KDM2B: variants seen among roughly 807,000 people sequenced by gnomAD.
KDM2B encodes lysine demethylase 2B.
A neutral mutation model predicts 150.0 loss-of-function variants in KDM2B; 26 were observed. The ratio of observed to expected loss-of-function variants is 0.17; its 90% CI spans 0.13 to 0.24. KDM2B has a LOEUF of 0.24. Among genes scored for constraint, KDM2B ranks in the 10% least tolerant of loss-of-function variants. The pLI, the probability that KDM2B is intolerant of heterozygous loss-of-function variation, is 1.00. For synonymous variants in KDM2B, 734 were observed against 729.5 expected (o/e 1.01, Z -0.10); for missense variants, 1,265 against 1,816.9 (o/e 0.70, Z 5.52).
At chr12:121,422,074 T>G in the KDM2B span, among the ~76,000 whole-genome samples, 1 of 152,234 alleles carries the variant, frequency 6.6e-6, no homozygotes, top group Non-Finnish European at 1.5e-5. Flanking sequence ...GAGAAGTCAG[T>G]TGACTTCATA....
intron 6 of KDM2B, among the ~76,000 whole-genome samples, chr12:121,547,382 A>C (rs1045450307): frequency 8.5e-5 from 13 of 152,312 alleles, no homozygotes; most frequent in East Asian, 5.8e-4. Context: ...AGAGAGAGAG[A>C]GAGCTTGAAA....
intron 12 of KDM2B, among the ~76,000 whole-genome samples, chr12:121,493,143 G>A (rs1555300246): frequency 7.2e-6 from 1 of 139,010 alleles, no homozygotes; most frequent in Non-Finnish European, 1.5e-5. Flanking sequence ...CCTGGGCTCA[G>A]GTGATCCTCC....
chr12:121,494,798 CCA>C, intron 11 of KDM2B, 133 bp from the exon 12 acceptor site: 1 of 606,262 alleles, frequency 1.6e-6, no homozygotes, highest in Non-Finnish European at 2.8e-6. Context: ...CCACCACCAC[CCA>C]CACATTCAAT....
intron 12 of KDM2B, among the ~76,000 whole-genome samples, chr12:121,464,556 A>C (rs1351010620): frequency 6.6e-6 from 1 of 152,204 alleles, no homozygotes; most frequent in African/African-American, 2.4e-5. Context: ...TGGGGATGAG[A>C]AGTACACAGG....
At chr12:121,427,046 G>A (rs1167349334), downstream of KDM2B, among the ~76,000 whole-genome samples, 4 of 152,166 alleles carry the variant, frequency 2.6e-5, no homozygotes, top group African/African-American at 9.7e-5. Context: ...GAGGTGCCAT[G>A]GTGTCTTCCT....
At chr12:121,550,085 G>A (rs573181311) in intron 4 of KDM2B, among the ~76,000 whole-genome samples, 24 of 152,206 alleles carry the variant, frequency 1.6e-4, no homozygotes, top group African/African-American at 3.4e-4. Context: ...CGAGGAGGGC[G>A]GATTACCTGA....
chr12:121,430,520 C>T lies in KDM2B; in HGVS notation c.3830-51G>A, dbSNP rs782491092. 7.5e-5 allele frequency: 105 copies of T among 1,402,706 alleles called. No individual in the cohort carries two copies. Among genetic ancestry groups the T allele is most frequent in the South Asian group, 1.0e-4 (9 of 85,854 alleles). The allele number at this position is 1,402,706 out of a possible 1,614,324, so 86.9% of individuals were successfully genotyped here. A position where few individuals can be genotyped will look rare whatever the true frequency, so the allele number is the denominator to read the frequency against. ...GGTGTGAAGGCCAGGAGCCAGAAGC[C>T]CCCCCGCCGCCAGACCCAGGCACTC... On this transcript the variant is annotated intron_variant, in intron 22 of 22. Transcript: ENST00000377071. The surrounding 1 kb of genome is among the most constrained non-coding windows in gnomAD (Gnocchi z 4.4).
chr12:121,492,346 T>C (rs567415352), intron 12 of KDM2B, among the ~76,000 whole-genome samples: 55 of 152,020 alleles, frequency 3.6e-4, no homozygotes, highest in African/African-American at 1.2e-3. Context: ...CTATAGTGCA[T>C]CCCCAGGCTG....
At chr12:121,411,374 C>T in the KDM2B span, among the ~76,000 whole-genome samples, 7 of 152,176 alleles carry the variant, frequency 4.6e-5, no homozygotes, top group African/African-American at 1.7e-4. Context: ...GGTATCTACA[C>T]AGAGAATCCA....
chr12:121,494,456 T>G, intron 12 of KDM2B, 123 bp downstream of exon 12: 1 of 651,684 alleles, frequency 1.5e-6, no homozygotes. Flanking sequence ...ATCCTTCATC[T>G]TAACTGCGGT....
chr12:121,527,653 C>CAAAA (rs58304715), intron 8 of KDM2B, among the ~76,000 whole-genome samples: 5 of 58,570 alleles, frequency 8.5e-5, no homozygotes, highest in South Asian at 6.5e-4. Context: ...GACTCCGTCT[C>CAAAA]AAAAAAAAAA....
intron 12 of KDM2B, among the ~76,000 whole-genome samples, chr12:121,466,085 T>A (rs1354850188): frequency 6.6e-6 from 1 of 151,906 alleles, no homozygotes; most frequent in Non-Finnish European, 1.5e-5. Flanking sequence ...CTACGTATAA[T>A]ACGATTTAAG....
upstream of KDM2B, chr12:121,581,069 G>A (rs1891939660): frequency 1.1e-6 from 1 of 939,372 alleles, no homozygotes; most frequent in Admixed American, 3.3e-5. Context: ...CAGCTGACCG[G>A]AAGACGTTGC....
chr12:121,421,689 G>T, the KDM2B span, among the ~76,000 whole-genome samples: 1 of 151,846 alleles, frequency 6.6e-6, no homozygotes, highest in Non-Finnish European at 1.5e-5. Flanking sequence ...CTTTTTAATT[G>T]TAAAAAAAAT....
intron 11 of KDM2B, among the ~76,000 whole-genome samples, chr12:121,501,186 G>T (rs1471504237): frequency 6.6e-6 from 1 of 151,656 alleles, no homozygotes; most frequent in Non-Finnish European, 1.5e-5. Context: ...TAATAAGAGA[G>T]ATTTGGACAG....
At chr12:121,511,314 T>A (rs1885570340) in intron 10 of KDM2B, among the ~76,000 whole-genome samples, 1 of 133,782 alleles carries the variant, frequency 7.5e-6, no homozygotes. Context: ...TGAGACAGAG[T>A]CTCACTTTGT....
At chr12:121,511,017 CT>C (rs1267556991) in intron 10 of KDM2B, among the ~76,000 whole-genome samples, 75 of 143,940 alleles carry the variant, frequency 5.2e-4, no homozygotes, top group African/African-American at 7.8e-4. Context: ...TGTCTTTTCT[CT>C]TTTTTTTTTT....
rs1329828578 is a variant in KDM2B, at chr12:121,430,518, G to A, written c.3830-49C>T. On this transcript the variant is annotated intron_variant, in intron 22 of 22. Coordinates refer to ENST00000377071, the MANE Select transcript of KDM2B (RefSeq NM_032590.5). This position sits in a 1 kb window ranked among gnomAD's most constrained non-coding sequence, Gnocchi z 4.4. ...GAGGTGTGAAGGCCAGGAGCCAGAA[G>A]CCCCCCCGCCGCCAGACCCAGGCAC... The A allele has an allele frequency of 1.4e-6, 2 of 1,445,848 alleles. No individual in the cohort carries two copies. Among genetic ancestry groups the A allele is most frequent in the East Asian group, 2.3e-5 (1 of 44,070 alleles). The allele number at this position is 1,445,848 out of a possible 1,614,324, so 89.6% of individuals were successfully genotyped here. A position where few individuals can be genotyped will look rare whatever the true frequency, so the allele number is the denominator to read the frequency against.
chr12:121,579,752 C>T, intron 1 of KDM2B: 8 of 1,440,450 alleles, frequency 5.6e-6, no homozygotes, highest in Non-Finnish European at 6.5e-6. Flanking sequence ...CCGGGCGAAC[C>T]CCGAGCCCGC....
Sources: allele counts gnomAD v4.1 joint callset (sites outside exome capture counted in the v4.1 genomes callset), GRCh38; gene constraint gnomAD v4.1.1; non-coding constraint Gnocchi (gnomAD v3.1); transcripts MANE v1.5; gene names NCBI Gene and HGNC (gene_info 2026-07-23, HGNC 2026-07-21).